SARNP: variants seen among roughly 807,000 people sequenced by gnomAD.
The protein encoded by SARNP is SAP domain containing ribonucleoprotein.
SARNP carries 5 observed loss-of-function variants against 38.1 expected under a neutral mutation model. The ratio of observed to expected loss-of-function variants is 0.13; its 90% confidence interval spans 0.07 to 0.28. The LOEUF (loss-of-function observed/expected upper bound fraction) is 0.28. Among genes scored for constraint, SARNP ranks in the 10% least tolerant of loss-of-function variants. The probability of loss-of-function intolerance (pLI) is 1.00; values close to 1 mark genes in which losing one functional copy is unlikely to be tolerated. For synonymous variants in SARNP, 84 were observed against 80.6 expected, an observed-to-expected ratio of 1.04 and a Z score of -0.23; for missense variants, 180 against 243.9, an observed-to-expected ratio of 0.74 and a Z score of 1.75.
chr12:55,794,246 T>TA (rs1879755984), intron 7 of SARNP, 113 bp downstream of exon 7: 3 of 951,382 alleles, frequency 3.2e-6, no homozygotes, highest in African/African-American at 1.7e-5. Flanking sequence ...TACAATCTCT[T>TA]AAAGAGTTTC....
At chr12:55,810,103 C>T (rs561387906) in intron 1 of SARNP, among the ~76,000 whole-genome samples, 3 of 152,184 alleles carry the variant, frequency 2.0e-5, no homozygotes, top group East Asian at 3.9e-4. Flanking sequence ...TCATGCATTG[C>T]CCTGTGATTT....
chr12:55,807,041 C>T (rs1182650735), intron 1 of SARNP, among the ~76,000 whole-genome samples: 1 of 152,104 alleles, frequency 6.6e-6, no homozygotes, highest in Admixed American at 6.5e-5. Context: ...AATCCTCCCA[C>T]CCGAACCTCC....
chr12:55,795,292 T>C (rs1879789114), intron 5 of SARNP, among the ~76,000 whole-genome samples: 1 of 152,110 alleles, frequency 6.6e-6, no homozygotes, highest in East Asian at 1.9e-4. Flanking sequence ...TCAGAAGTAA[T>C]TTCTTAGGGT....
At chr12:55,774,933 C>CTGGA (rs1349011328) in intron 9 of SARNP, among the ~76,000 whole-genome samples, 1 of 137,824 alleles carries the variant, frequency 7.3e-6, no homozygotes, top group Admixed American at 7.9e-5. Flanking sequence ...GTCGCCCAGA[C>CTGGA]TGGAGCACAG....
chr12:55,801,662 A>C (rs1473023854), intron 2 of SARNP, among the ~76,000 whole-genome samples: 1 of 152,200 alleles, frequency 6.6e-6, no homozygotes, highest in East Asian at 1.9e-4. Flanking sequence ...TCTGTCGCCC[A>C]GATAAAGTGC....
At chr12:55,794,659 A>G in intron 6 of SARNP, 148 bp downstream of exon 6, 3 of 649,674 alleles carry the variant, frequency 4.6e-6, no homozygotes, top group Non-Finnish European at 8.2e-6. Flanking sequence ...ATCAGTAGAC[A>G]TGTTCTGAAT....
intron 7 of SARNP, among the ~76,000 whole-genome samples, chr12:55,792,357 G>C (rs1879697131): frequency 6.6e-6 from 1 of 151,706 alleles, no homozygotes; most frequent in Non-Finnish European, 1.5e-5. Context: ...TTAAGTTCCT[G>C]AGAAAAGGGG....
intron 9 of SARNP, among the ~76,000 whole-genome samples, chr12:55,769,562 G>A (rs1182975506): frequency 6.6e-6 from 1 of 152,196 alleles, no homozygotes; most frequent in Non-Finnish European, 1.5e-5. Context: ...GTGCAACTGT[G>A]CTTTCCCTTT....
chr12:55,777,248 A>C (rs1354296021), intron 9 of SARNP, among the ~76,000 whole-genome samples: 2 of 152,234 alleles, frequency 1.3e-5, no homozygotes, highest in Non-Finnish European at 2.9e-5. Context: ...GGGAAGTCTA[A>C]ACATCTAACA....
At chr12:55,779,387 AAG>A (rs1207257050) in intron 9 of SARNP, among the ~76,000 whole-genome samples, 9 of 152,340 alleles carry the variant, frequency 5.9e-5, no homozygotes, top group Admixed American at 2.0e-4. Flanking sequence ...CTGTATGAGA[AAG>A]AGAAATGGAG....
chr12:55,796,027 C>G lies in SARNP; in HGVS notation c.301G>C (p.Glu101Gln). ...VKITSEIPQTERMQKRAERFN... is the reference protein window; with the variant it reads ...VKITSEIPQTQRMQKRAERFN... ...CTACTAGGGAGCAGAATACCTACCT[C>G]AGTCTGTGGTATTTCAGATGTAATT... Residue 101 changes from glutamate (E) to glutamine (Q), a missense_variant and splice_region_variant, in exon 5 of 11, where the codon GAG (glutamate) becomes CAG (glutamine). Glu to Gln is a conservative substitution (Grantham distance 29). Around this residue, in one of 2 missense-constraint regions of SARNP, gnomAD observed 161 missense variants for 194.1 expected, o/e 0.83. Coordinates refer to ENST00000336133, the MANE Select transcript of SARNP (RefSeq NM_033082.4). The G allele has an allele frequency of 6.2e-7, 1 of 1,604,928 alleles. No homozygotes were observed. The highest frequency in any genetic ancestry group is 8.5e-7 in the Non-Finnish European group (1 of 1,171,870).
At chr12:55,780,069 A>G (rs1192247270) in intron 9 of SARNP, among the ~76,000 whole-genome samples, 1 of 151,970 alleles carries the variant, frequency 6.6e-6, no homozygotes, top group African/African-American at 2.4e-5. Context: ...GGTCACTTAA[A>G]CCCGGGAGGT....
chr12:55,801,219 G>A (rs60116594), intron 2 of SARNP, among the ~76,000 whole-genome samples: 10 of 152,210 alleles, frequency 6.6e-5, no homozygotes, highest in African/African-American at 2.4e-4. Context: ...CAGGTGGATC[G>A]TTTGAACCTA....
downstream of SARNP, chr12:55,757,224 TA>T (rs1878533971): frequency 3.8e-6 from 1 of 261,838 alleles, no homozygotes. Flanking sequence ...TTATCTGGTC[TA>T]ATCTAGCTCC....
intron 9 of SARNP, among the ~76,000 whole-genome samples, chr12:55,771,431 G>A (rs937563984): frequency 2.0e-5 from 3 of 152,106 alleles, no homozygotes; most frequent in African/African-American, 4.8e-5. Flanking sequence ...TATTCTCTGC[G>A]ACCAAAAGAA....
intron 9 of SARNP, among the ~76,000 whole-genome samples, chr12:55,784,772 C>T (rs1879441550): frequency 6.6e-6 from 1 of 152,160 alleles, no homozygotes; most frequent in Non-Finnish European, 1.5e-5. Context: ...GTGTAGACAG[C>T]AAAACATCAG....
At chr12:55,785,768 CCTGT>C (rs1434435093) in intron 9 of SARNP, among the ~76,000 whole-genome samples, 1 of 150,814 alleles carries the variant, frequency 6.6e-6, no homozygotes, top group African/African-American at 2.4e-5. Context: ...AGAACAAAAC[CCTGT>C]CTCAGACAAA....
intron 4 of SARNP, among the ~76,000 whole-genome samples, chr12:55,799,460 T>C (rs1445499278): frequency 6.6e-6 from 1 of 151,888 alleles, no homozygotes; most frequent in Non-Finnish European, 1.5e-5. Flanking sequence ...TCCTCCACTG[T>C]AAATCAGAAA....
intron 9 of SARNP, among the ~76,000 whole-genome samples, chr12:55,787,529 C>T (rs960306118): frequency 7.9e-5 from 12 of 152,146 alleles, no homozygotes; most frequent in Middle Eastern, 3.4e-3. Flanking sequence ...CTCTGCCTTC[C>T]GGGTTCAAGT....
Sources: gnomAD v4.1 joint callset for allele counts (sites outside exome capture counted in the v4.1 genomes callset) on GRCh38, gnomAD v4.1.1 for gene constraint, gnomAD v4.1.1 regional missense constraint, MANE v1.5 for transcripts, NCBI Gene and HGNC (gene_info 2026-07-23, HGNC 2026-07-21) for gene names.